Variants in NRG1 observed in about 807,000 individuals in gnomAD.
The protein encoded by NRG1 is pro-neuregulin-1, membrane-bound isoform.
NRG1 carries 18 observed loss-of-function variants against 63.8 expected under a neutral mutation model. The ratio of observed to expected loss-of-function variants is 0.28; its 90% CI spans 0.19 to 0.42. The LOEUF is 0.42. Among genes scored for constraint, NRG1 ranks in the 10% least tolerant of loss-of-function variants. The probability of loss-of-function intolerance (pLI) is 1.00; values close to 1 mark genes in which losing one functional copy is unlikely to be tolerated. For synonymous variants in NRG1, 302 were observed against 301.3 expected, an observed-to-expected ratio of 1.00 and a Z score of -0.02; for missense variants, 762 against 814.7, an observed-to-expected ratio of 0.94 and a Z score of 0.79.
At chr8:32,741,790 C>T (rs1826366921) in intron 6 of NRG1, among the ~76,000 whole-genome samples, 1 of 152,136 alleles carries the variant, frequency 6.6e-6, no homozygotes, top group African/African-American at 2.4e-5. Flanking sequence ...TTTCAGTTAA[C>T]CAATCATTTG....
At chr8:32,426,496 A>G (rs983101534) in intron 1 of NRG1, among the ~76,000 whole-genome samples, 1 of 152,238 alleles carries the variant, frequency 6.6e-6, no homozygotes, top group Non-Finnish European at 1.5e-5. Flanking sequence ...GGACTTGCCT[A>G]CTGTAATGTA....
chr8:32,695,385 GAGGA>G (rs1175346511), intron 5 of NRG1, among the ~76,000 whole-genome samples: 3 of 151,668 alleles, frequency 2.0e-5, no homozygotes, highest in African/African-American at 4.8e-5. Flanking sequence ...GAGAGAGAGA[GAGGA>G]AGGAAGGAAG....
chr8:31,807,198 A>G (rs1306560033), intron 1 of NRG1, among the ~76,000 whole-genome samples: 3 of 152,200 alleles, frequency 2.0e-5, no homozygotes, highest in South Asian at 4.1e-4. Flanking sequence ...TGGCAAAAGC[A>G]TTTGCATTTA....
At chr8:32,647,875 G>T in intron 5 of NRG1, 1 of 1,614,106 alleles carries the variant, frequency 6.2e-7, no homozygotes, top group South Asian at 1.1e-5. Context: ...GGACTCGTGG[G>T]CCTGGCCGTG....
At chr8:31,755,251 T>G (rs1029563859) in intron 1 of NRG1, among the ~76,000 whole-genome samples, 2 of 152,092 alleles carry the variant, frequency 1.3e-5, no homozygotes, top group African/African-American at 2.4e-5. Flanking sequence ...TAATCCCAAT[T>G]TATATAAACA....
intron 1 of NRG1, among the ~76,000 whole-genome samples, chr8:31,888,567 G>GTT (rs1409858116): frequency 4.6e-5 from 7 of 151,922 alleles, no homozygotes; most frequent in Admixed American, 1.3e-4. Context: ...TCTTGAATAG[G>GTT]TCAGTGCATT....
At chr8:32,694,178 A>G (rs769617212) in intron 5 of NRG1, among the ~76,000 whole-genome samples, 1 of 152,182 alleles carries the variant, frequency 6.6e-6, no homozygotes, top group Non-Finnish European at 1.5e-5. Context: ...TCTAGAATCT[A>G]TCTGGTTAAA....
chr8:31,923,059 G>A (rs1322282745), intron 1 of NRG1, among the ~76,000 whole-genome samples: 1 of 152,002 alleles, frequency 6.6e-6, no homozygotes, highest in Non-Finnish European at 1.5e-5. Context: ...AGGGTGAGAT[G>A]AGAGGCTTCT....
At chr8:32,343,757 A>C (rs771369605) in intron 1 of NRG1, among the ~76,000 whole-genome samples, 29 of 152,210 alleles carry the variant, frequency 1.9e-4, no homozygotes, top group Non-Finnish European at 3.5e-4. Context: ...TTATTAGAAA[A>C]AATTGTTTAG....
At chr8:32,771,561 A>G (rs936092167), downstream of NRG1, among the ~76,000 whole-genome samples, 3 of 150,510 alleles carry the variant, frequency 2.0e-5, no homozygotes, top group South Asian at 6.3e-4. Context: ...AAATTTACTA[A>G]ACCATGACTC....
intron 5 of NRG1, among the ~76,000 whole-genome samples, chr8:32,659,146 C>CTTTTTT (rs11408766): frequency 3.5e-4 from 47 of 135,996 alleles, no homozygotes; most frequent in East Asian, 8.8e-4. Context: ...CTTTTCTTTT[C>CTTTTTT]TTTTTTTTTT....
Position 32,084,958 on chromosome 8 carries a change from A to G in NRG1, c.37+445527A>G, listed in dbSNP as rs190178384. On this transcript the variant is annotated intron_variant, in intron 1 of 10. Transcript: ENST00000519301. ...AAAAGTGAAAGAATTCCTAGAGAAA[A>G]GTTAATCCCAGACAAGATAGTGAAT... 5.9e-5 allele frequency among the ~76,000 whole-genome samples: 9 copies of G among 152,326 alleles called. No homozygotes were observed. In the East Asian group the frequency reaches 1.7e-3, roughly 29 times the overall value.
chr8:32,011,060 A>G (rs189172832), intron 1 of NRG1, among the ~76,000 whole-genome samples: 13 of 152,234 alleles, frequency 8.5e-5, no homozygotes, highest in Admixed American at 2.0e-4. Context: ...TGATAATAAG[A>G]TACAAAAGAG....
chr8:31,981,350 G>A (rs1809059763), intron 1 of NRG1, among the ~76,000 whole-genome samples: 1 of 152,034 alleles, frequency 6.6e-6, no homozygotes, highest in South Asian at 2.1e-4. Flanking sequence ...GTAATGGCTG[G>A]TAGTTGGAGT....
intron 1 of NRG1, among the ~76,000 whole-genome samples, chr8:32,467,734 A>C (rs1392015210): frequency 2.6e-5 from 4 of 152,228 alleles, no homozygotes; most frequent in Non-Finnish European, 4.4e-5. Context: ...TGAGAACCAC[A>C]GGAGAGAAAC....
intron 1 of NRG1, among the ~76,000 whole-genome samples, chr8:32,250,320 T>C (rs1848972940): frequency 6.6e-6 from 1 of 152,080 alleles, no homozygotes; most frequent in African/African-American, 2.4e-5. Flanking sequence ...AAGCAAGCAA[T>C]GAAGGGAGAT....
chr8:32,654,132 A>G (rs1855761706), intron 5 of NRG1, among the ~76,000 whole-genome samples: 1 of 152,182 alleles, frequency 6.6e-6, no homozygotes, highest in Non-Finnish European at 1.5e-5. Flanking sequence ...TGTCACTACA[A>G]CCAATCAGTA....
At chr8:32,694,485 A>T (rs969242704) in intron 5 of NRG1, among the ~76,000 whole-genome samples, 3 of 152,130 alleles carry the variant, frequency 2.0e-5, no homozygotes, top group Admixed American at 6.6e-5. Context: ...ATGACCCATC[A>T]TGGTGCTCGA....
intron 1 of NRG1, among the ~76,000 whole-genome samples, chr8:32,582,069 CTATTT>C (rs71208197): frequency 0.28 from 40,012 of 145,100 alleles, 5,469 homozygotes; most frequent in South Asian, 0.35. Context: ...ACCATGAACT[CTATTT>C]TATTTTATTT....
Sources: allele counts gnomAD v4.1 joint callset (sites outside exome capture counted in the v4.1 genomes callset), GRCh38; gene constraint gnomAD v4.1.1; transcripts MANE v1.5; gene names NCBI Gene and HGNC (gene_info 2026-07-23, HGNC 2026-07-21).